The following RRAS2 variants were observed in gnomAD, a reference collection of about 807,000 sequenced individuals.
RRAS2 encodes the protein RAS related 2.
Under a neutral mutation model 27.6 loss-of-function variants are expected in RRAS2, and 7 were observed. The observed-to-expected ratio is 0.25, with a 90% CI of 0.14 to 0.48. The LOEUF (loss-of-function observed/expected upper bound fraction) is 0.48, where lower values mean the gene tolerates loss of function less well. Ranked by LOEUF, RRAS2 falls within the 20% of genes least tolerant of loss-of-function variation. The probability of loss-of-function intolerance (pLI) is 0.99; values close to 1 mark genes in which losing one functional copy is unlikely to be tolerated. For synonymous variants in RRAS2, 86 were observed against 90.9 expected (o/e 0.95, Z 0.31); for missense variants, 178 against 256.2 (o/e 0.69, Z 2.08).
At chr11:14,348,596 A>G (rs1434640661) in intron 1 of RRAS2, among the ~76,000 whole-genome samples, 1 of 152,188 alleles carries the variant, frequency 6.6e-6, no homozygotes, top group African/African-American at 2.4e-5. Flanking sequence ...GTACTGCCTT[A>G]TTTATTTCAA....
At chr11:14,364,286 C>A in intron 1 of RRAS2, 1 of 1,098,064 alleles carries the variant, frequency 9.1e-7, no homozygotes, top group Non-Finnish European at 1.3e-6. Context: ...GAGGGAGATG[C>A]TAGAATCAAG....
At chr11:14,361,857 G>A (rs1186314007), upstream of RRAS2, among the ~76,000 whole-genome samples, 1 of 152,034 alleles carries the variant, frequency 6.6e-6, no homozygotes, top group Non-Finnish European at 1.5e-5. Context: ...CTGATGAGTG[G>A]ATAAACAAAA....
chr11:14,332,632 T>C (rs895319625), intron 1 of RRAS2, among the ~76,000 whole-genome samples: 1 of 152,178 alleles, frequency 6.6e-6, no homozygotes, highest in Non-Finnish European at 1.5e-5. Flanking sequence ...ATTTCTATTA[T>C]ATAAAGTCTA....
At chr11:14,293,134 T>G (rs1462223804) in intron 4 of RRAS2, among the ~76,000 whole-genome samples, 1 of 87,540 alleles carries the variant, frequency 1.1e-5, no homozygotes, top group Non-Finnish European at 2.5e-5. Flanking sequence ...AATATATATA[T>G]ATATATATAT....
intron 1 of RRAS2, among the ~76,000 whole-genome samples, chr11:14,300,744 T>C (rs192700370): frequency 1.3e-5 from 2 of 152,134 alleles, no homozygotes; most frequent in Admixed American, 1.3e-4. Flanking sequence ...GCCAACTCAG[T>C]ATCTCCCCAT....
At chr11:14,280,835 G>C (rs1308171194) in intron 5 of RRAS2, among the ~76,000 whole-genome samples, 2 of 150,594 alleles carry the variant, frequency 1.3e-5, no homozygotes, top group Non-Finnish European at 2.9e-5. Context: ...ATGAAACAGG[G>C]GCCAGGCATC....
At chr11:14,290,457 A>T (rs1285309530) in intron 4 of RRAS2, among the ~76,000 whole-genome samples, 1 of 152,182 alleles carries the variant, frequency 6.6e-6, no homozygotes, top group African/African-American at 2.4e-5. Flanking sequence ...CAGGGGGGAA[A>T]AAAAAGGTAA....
intron 1 of RRAS2, among the ~76,000 whole-genome samples, chr11:14,332,506 A>T (rs782741837): frequency 8.5e-5 from 13 of 152,182 alleles, no homozygotes; most frequent in African/African-American, 2.4e-4. Flanking sequence ...TGTCTCAAAA[A>T]TAGTAATAAT....
chr11:14,306,998 C>T (rs1331520376), intron 1 of RRAS2, among the ~76,000 whole-genome samples: 3 of 151,794 alleles, frequency 2.0e-5, no homozygotes, highest in South Asian at 2.1e-4. Context: ...CAAGACCAGC[C>T]TGGGAAACAT....
intron 1 of RRAS2, among the ~76,000 whole-genome samples, chr11:14,301,897 C>T (rs1180271142): frequency 1.3e-5 from 2 of 152,108 alleles, no homozygotes; most frequent in Admixed American, 6.6e-5. Flanking sequence ...GCAGGAGAAT[C>T]GCTTGAACCC....
intron 1 of RRAS2, among the ~76,000 whole-genome samples, chr11:14,357,641 T>G (rs1849110976): frequency 6.6e-6 from 1 of 152,238 alleles, no homozygotes; most frequent in Non-Finnish European, 1.5e-5. Flanking sequence ...GTACTCAATA[T>G]TTTAATGTCA....
chr11:14,297,747 G>T (rs1270272812), intron 1 of RRAS2, among the ~76,000 whole-genome samples: 1 of 152,004 alleles, frequency 6.6e-6, no homozygotes, highest in East Asian at 1.9e-4. Flanking sequence ...CTGGAAGACA[G>T]AATAACACCC....
intron 1 of RRAS2, among the ~76,000 whole-genome samples, chr11:14,338,991 A>G (rs1454938599): frequency 2.6e-5 from 4 of 152,144 alleles, no homozygotes; most frequent in African/African-American, 9.7e-5. Context: ...GAAGTTACCC[A>G]TGCTGAATGA....
At chr11:14,341,324 T>C (rs1441145870) in intron 1 of RRAS2, among the ~76,000 whole-genome samples, 6 of 152,216 alleles carry the variant, frequency 3.9e-5, no homozygotes, top group African/African-American at 1.4e-4. Context: ...TACCTACAAA[T>C]AGTGTTATGA....
At chr11:14,287,273 A>G (rs1554945178) in intron 4 of RRAS2, among the ~76,000 whole-genome samples, 1 of 152,228 alleles carries the variant, frequency 6.6e-6, no homozygotes, top group Admixed American at 6.5e-5. Context: ...GTACATCCAA[A>G]GCTTAGAAGC....
chr11:14,329,009 G>GTATATA (rs1366284888), intron 1 of RRAS2, among the ~76,000 whole-genome samples: 4 of 58,152 alleles, frequency 6.9e-5, no homozygotes, highest in African/African-American at 1.8e-4. Flanking sequence ...GTGTGTGTGT[G>GTATATA]TGTATATATA....
chr11:14,316,362 G>GTTTTC, intron 1 of RRAS2, among the ~76,000 whole-genome samples: 1 of 152,190 alleles, frequency 6.6e-6, no homozygotes, highest in Non-Finnish European at 1.5e-5. Context: ...ACAAAGGAGG[G>GTTTTC]AAAAGTAGGA....
Position 14,278,564 on chromosome 11 carries a change from TC to T in RRAS2, c.*772del, listed in dbSNP as rs1251071075. 6 of 152,208 alleles carry T rather than the reference TC, an allele frequency of 3.9e-5. No homozygotes were observed. Among genetic ancestry groups the T allele is most frequent in the Admixed American group, 3.9e-4 (6 of 15,274 alleles). The allele number at this position is 152,208 out of a possible 1,614,324, so 9.4% of individuals were successfully genotyped here. Reference sequence around the variant, plus strand: ...ACAAAAACAGTTTTAGTTTTTTGAATCCCTTACCCAGAAATACTTGAAAAGG... The same window carrying T: ...ACAAAAACAGTTTTAGTTTTTTGAATCCTTACCCAGAAATACTTGAAAAGG... On this transcript the variant is annotated 3_prime_UTR_variant, in exon 6 of 6. Transcript: ENST00000256196.
intron 1 of RRAS2, among the ~76,000 whole-genome samples, chr11:14,329,068 T>TACACAC (rs200695347): frequency 0.017 from 2,455 of 141,692 alleles, 49 homozygotes; most frequent in African/African-American, 0.045. Context: ...CACATATACA[T>TACACAC]ACACACACAC....
Sources: gnomAD v4.1 joint callset for allele counts (sites outside exome capture counted in the v4.1 genomes callset) on GRCh38, gnomAD v4.1.1 for gene constraint, MANE v1.5 for transcripts, NCBI Gene and HGNC (gene_info 2026-07-23, HGNC 2026-07-21) for gene names.